Variants in CAMSAP2 observed in about 807,000 individuals in gnomAD.
CAMSAP2 encodes calmodulin-regulated spectrin-associated protein 2.
A neutral mutation model predicts 146.1 loss-of-function variants in CAMSAP2; 26 were observed. The observed-to-expected ratio is 0.18, with a 90% CI of 0.13 to 0.25. The LOEUF (loss-of-function observed/expected upper bound fraction) is 0.25, where lower values mean the gene tolerates loss of function less well. Among genes scored for constraint, CAMSAP2 ranks in the 10% least tolerant of loss-of-function variants. The probability of loss-of-function intolerance (pLI) is 1.00; values close to 1 mark genes in which losing one functional copy is unlikely to be tolerated. For missense variants in CAMSAP2, 1,381 were observed against 1,759.3 expected (o/e 0.78, Z 3.85); for synonymous variants, 499 against 596.6 (o/e 0.84, Z 2.38).
intron 1 of CAMSAP2, among the ~76,000 whole-genome samples, chr1:200,749,763 A>G (rs1664447317): frequency 6.6e-6 from 1 of 152,312 alleles, no homozygotes; most frequent in South Asian, 2.1e-4. Flanking sequence ...ATTTTATTAC[A>G]TTGAGATACA....
chr1:200,828,088 T>A (rs962623152), intron 4 of CAMSAP2, among the ~76,000 whole-genome samples: 3 of 152,158 alleles, frequency 2.0e-5, no homozygotes, highest in Non-Finnish European at 4.4e-5. Flanking sequence ...CATCTTGATA[T>A]ATTCTACTAT....
chr1:200,819,787 A>G (rs1666699379), intron 4 of CAMSAP2, among the ~76,000 whole-genome samples: 1 of 152,232 alleles, frequency 6.6e-6, no homozygotes. Flanking sequence ...ACTTTTCTAT[A>G]TGTATATTAC....
chr1:200,775,644 C>T (rs528469315), intron 2 of CAMSAP2, among the ~76,000 whole-genome samples: 1 of 152,220 alleles, frequency 6.6e-6, no homozygotes, highest in East Asian at 1.9e-4. Flanking sequence ...GTTTTCCTGC[C>T]TCAGTCTCCC....
In CAMSAP2 at chr1:200,854,807, GT is replaced by G; in HGVS notation, c.3824-4del. 6.2e-7 allele frequency: 1 copy of G among 1,603,930 alleles called. No individual in the cohort carries two copies. The highest frequency in any genetic ancestry group is 8.5e-7 in the Non-Finnish European group (1 of 1,175,726). On this transcript the variant is annotated splice_polypyrimidine_tract_variant and intron_variant, in intron 13 of 16. Transcript: ENST00000358823. ...TTATTCAGGATCATGAATTTATCGT[GT>G]TTTTTCAGTCTCTAGCCTTTCTTTG...
intron 4 of CAMSAP2, among the ~76,000 whole-genome samples, chr1:200,820,789 T>A (rs979541607): frequency 1.3e-5 from 2 of 152,208 alleles, no homozygotes; most frequent in African/African-American, 4.8e-5. Flanking sequence ...TACATTAAAG[T>A]CCCAGTCAAA....
intron 4 of CAMSAP2, among the ~76,000 whole-genome samples, chr1:200,826,032 A>G (rs1666897144): frequency 6.6e-6 from 1 of 152,184 alleles, no homozygotes; most frequent in African/African-American, 2.4e-5. Flanking sequence ...TGCATACTGT[A>G]TGTAGTTTTG....
chr1:200,739,406 G>C lies in CAMSAP2; in HGVS notation c.-422G>C, dbSNP rs1664078419. Among the ~76,000 whole-genome samples the C allele has an allele frequency of 6.6e-6, 1 of 152,132 alleles. No homozygotes were observed. The highest frequency in any genetic ancestry group is 2.4e-5 in the African/African-American group (1 of 41,448). On this transcript the variant is annotated 5_prime_UTR_variant, in exon 1 of 17. Transcript: ENST00000358823. The surrounding 1 kb of genome is among the most constrained non-coding windows in gnomAD (Gnocchi z 4.8). ...CGGGGACATTTTCCACAACGTGATTGTTGAAGGCTCCCCCCATCCCCCCTC... is the reference window on the plus strand; with the variant it reads ...CGGGGACATTTTCCACAACGTGATTCTTGAAGGCTCCCCCCATCCCCCCTC...
intron 3 of CAMSAP2, among the ~76,000 whole-genome samples, chr1:200,808,738 C>A (rs1666246672): frequency 6.6e-6 from 1 of 152,166 alleles, no homozygotes; most frequent in Non-Finnish European, 1.5e-5. Flanking sequence ...TCTTCCTAAC[C>A]CACTTGCTTT....
At chr1:200,818,075 TG>T (rs1398960555) in intron 4 of CAMSAP2, among the ~76,000 whole-genome samples, 2 of 152,182 alleles carry the variant, frequency 1.3e-5, no homozygotes, top group African/African-American at 4.8e-5. Flanking sequence ...ATTTTGCTCC[TG>T]GCTTTTTATC....
intron 2 of CAMSAP2, among the ~76,000 whole-genome samples, chr1:200,801,042 G>A (rs1310674051): frequency 1.3e-5 from 2 of 152,156 alleles, no homozygotes; most frequent in Non-Finnish European, 2.9e-5. Flanking sequence ...AAGACGGGCG[G>A]ATCACAGGGT....
chr1:200,853,000 T>TACGC (rs542175311), intron 12 of CAMSAP2, among the ~76,000 whole-genome samples: 293 of 147,588 alleles, frequency 2.0e-3, no homozygotes, highest in South Asian at 0.011. Flanking sequence ...TCCTGGGAGA[T>TACGC]ACACACACAC....
chr1:200,853,000 T>TAC (rs67551824), intron 12 of CAMSAP2, among the ~76,000 whole-genome samples: 13,056 of 147,494 alleles, frequency 0.089, 821 homozygotes, highest in African/African-American at 0.17. Flanking sequence ...TCCTGGGAGA[T>TAC]ACACACACAC....
At chr1:200,838,544 C>G (rs763032301) in intron 6 of CAMSAP2, among the ~76,000 whole-genome samples, 5 of 152,092 alleles carry the variant, frequency 3.3e-5, no homozygotes, top group Non-Finnish European at 7.4e-5. Flanking sequence ...GTGCCAGACA[C>G]TGTTTTAAAC....
intron 8 of CAMSAP2, 36 bp downstream of exon 8, chr1:200,844,905 A>C (rs749152842): frequency 1.3e-4 from 141 of 1,122,492 alleles, no homozygotes; most frequent in Non-Finnish European, 1.8e-4. Context: ...CACCATTTCT[A>C]TTCTATTTAC....
chr1:200,780,065 A>G (rs1056497510), intron 2 of CAMSAP2, among the ~76,000 whole-genome samples: 13 of 152,164 alleles, frequency 8.5e-5, no homozygotes, highest in African/African-American at 3.1e-4. Flanking sequence ...CCTTGTCACT[A>G]AAAGAATATA....
chr1:200,768,468 G>A (rs561902508), intron 2 of CAMSAP2, among the ~76,000 whole-genome samples: 31 of 152,262 alleles, frequency 2.0e-4, no homozygotes, highest in African/African-American at 7.2e-4. Context: ...CGTTATCCTG[G>A]AAGTGATGGG....
chr1:200,763,267 G>A (rs1485840056), intron 2 of CAMSAP2, among the ~76,000 whole-genome samples: 2 of 152,122 alleles, frequency 1.3e-5, no homozygotes, highest in African/African-American at 2.4e-5. Context: ...GGCTGGGTGT[G>A]GTAGCTCACG....
Position 200,857,727 on chromosome 1 carries a change from A to T in CAMSAP2, c.4132-27A>T, listed in dbSNP as rs756993148. ...ATAAAGGGTTTTTATTCGTGTTGTTATGTTGTTTTTGTTTTTTATTTTAAA... is the reference window on the plus strand; with the variant it reads ...ATAAAGGGTTTTTATTCGTGTTGTTTTGTTGTTTTTGTTTTTTATTTTAAA... On this transcript the variant is annotated intron_variant, in intron 16 of 16. Coordinates refer to ENST00000358823, the MANE Select transcript of CAMSAP2 (RefSeq NM_203459.4). This position sits in a 1 kb window ranked among gnomAD's most constrained non-coding sequence, Gnocchi z 4.7. 6.5e-6 allele frequency: 10 copies of T among 1,533,996 alleles called. No individual in the cohort carries two copies. Among genetic ancestry groups the T allele is most frequent in the Non-Finnish European group, 8.8e-6 (10 of 1,139,076 alleles).
chr1:200,850,234 G>T lies in CAMSAP2; in HGVS notation c.3465G>T (p.Lys1155Asn). Residue 1155 changes from lysine (K) to asparagine (N), a missense_variant and splice_region_variant, in exon 11 of 17, where the codon AAG becomes AAT. Coordinates refer to ENST00000358823, the MANE Select transcript of CAMSAP2 (RefSeq NM_203459.4). ...AAGTATGCTGTGGATTCTTTTTTAA[G>T]GTGTAGTATTAATCTGCATAGTTTT... ...DQKVCCGFFFKDDQKAENDMA... is the reference protein window; with the variant it reads ...DQKVCCGFFFNDDQKAENDMA... The T allele has an allele frequency of 6.4e-7, 1 of 1,568,614 alleles. No individual in the cohort carries two copies. Among genetic ancestry groups the T allele is most frequent in the South Asian group, 1.2e-5 (1 of 82,916 alleles).
Sources: gnomAD v4.1 joint callset for allele counts (sites outside exome capture counted in the v4.1 genomes callset) on GRCh38, gnomAD v4.1.1 for gene constraint, Gnocchi (gnomAD v3.1) non-coding constraint, MANE v1.5 for transcripts, NCBI Gene and HGNC (gene_info 2026-07-23, HGNC 2026-07-21) for gene names.